Variants in MALRD1 observed in about 807,000 individuals in gnomAD.
MALRD1 encodes the protein MAM and LDL-receptor class A domain-containing protein 1.
MALRD1 carries 247 observed loss-of-function variants against 242.1 expected under a neutral mutation model. That is an observed-to-expected ratio of 1.02 (90% CI 0.92 to 1.13). The LOEUF is 1.13. Ranked by LOEUF, MALRD1 falls within the 50% of genes most tolerant of loss-of-function variation. The probability of loss-of-function intolerance (pLI) is 0.00; values close to 1 mark genes in which losing one functional copy is unlikely to be tolerated. For synonymous variants in MALRD1, 995 were observed against 866.6 expected (o/e 1.15, Z -2.60); for missense variants, 2,989 against 2,533.1 (o/e 1.18, Z -3.86).
At chr10:19,115,137 G>C (rs111357704) in intron 5 of MALRD1, among the ~76,000 whole-genome samples, 16 of 152,184 alleles carry the variant, frequency 1.1e-4, no homozygotes, top group African/African-American at 3.6e-4. Flanking sequence ...TCTAGGGCCT[G>C]CTGACATCAT....
At chr10:19,326,138 T>A (rs180759329) in intron 22 of MALRD1, among the ~76,000 whole-genome samples, 2 of 152,242 alleles carry the variant, frequency 1.3e-5, no homozygotes. Context: ...GACATCCAAA[T>A]GGGCTTCTGG....
intron 18 of MALRD1, among the ~76,000 whole-genome samples, chr10:19,216,461 T>G (rs150414894): frequency 4.3e-4 from 66 of 152,220 alleles, no homozygotes; most frequent in Middle Eastern, 3.4e-3. Flanking sequence ...TCCCATATTC[T>G]CTCCTTTCTC....
chr10:19,154,127 C>T (rs534704782), intron 11 of MALRD1, among the ~76,000 whole-genome samples: 2 of 152,228 alleles, frequency 1.3e-5, no homozygotes, highest in African/African-American at 4.8e-5. Context: ...AATTTGGGGA[C>T]AGTAATCTTT....
At chr10:19,387,416 A>T in intron 26 of MALRD1, 112 bp from the exon 27 acceptor site, 1 of 1,318,366 alleles carries the variant, frequency 7.6e-7, no homozygotes, top group Non-Finnish European at 1.0e-6. Context: ...CAAATTCCTA[A>T]GAACAATATG....
At chr10:19,073,408 C>A (rs144549085) in intron 2 of MALRD1, among the ~76,000 whole-genome samples, 236 of 152,128 alleles carry the variant, frequency 1.6e-3, no homozygotes, top group African/African-American at 5.5e-3. Flanking sequence ...ATAAAGACTG[C>A]AGGTTTATCA....
intron 5 of MALRD1, among the ~76,000 whole-genome samples, chr10:19,110,687 A>T (rs940561354): frequency 4.6e-5 from 7 of 152,134 alleles, no homozygotes; most frequent in Admixed American, 1.3e-4. Flanking sequence ...TTTCCATGGT[A>T]TTCCTGGGTC....
chr10:19,515,902 C>A (rs1833607106), intron 31 of MALRD1, among the ~76,000 whole-genome samples: 1 of 152,116 alleles, frequency 6.6e-6, no homozygotes, highest in African/African-American at 2.4e-5. Flanking sequence ...ACGTTAGAAC[C>A]AGCTAGTATA....
intron 29 of MALRD1, among the ~76,000 whole-genome samples, chr10:19,451,384 T>C (rs944592675): frequency 8.5e-5 from 13 of 152,190 alleles, no homozygotes; most frequent in African/African-American, 3.1e-4. Context: ...ATCATGTTTC[T>C]AAATGAGAAG....
chr10:19,079,644 T>C (rs1214160732), intron 2 of MALRD1, among the ~76,000 whole-genome samples: 1 of 151,990 alleles, frequency 6.6e-6, no homozygotes, highest in Admixed American at 6.6e-5. Flanking sequence ...TTGCTTCACA[T>C]ATTTCAGGGC....
chr10:19,324,385 A>G (rs1419759482), intron 22 of MALRD1, among the ~76,000 whole-genome samples: 1 of 152,160 alleles, frequency 6.6e-6, no homozygotes, highest in African/African-American at 2.4e-5. Flanking sequence ...AGGTATCAGT[A>G]TCAGTGTTCT....
intron 26 of MALRD1, among the ~76,000 whole-genome samples, chr10:19,369,412 A>ACG (rs1482078525): frequency 1.4e-5 from 2 of 147,830 alleles, no homozygotes; most frequent in African/African-American, 4.9e-5. Flanking sequence ...GCACACACAC[A>ACG]TTCTTCTATG....
intron 29 of MALRD1, among the ~76,000 whole-genome samples, chr10:19,458,170 G>A (rs531450220): frequency 7.8e-4 from 119 of 152,206 alleles, no homozygotes; most frequent in African/African-American, 2.7e-3. Flanking sequence ...ATTTAAGCCT[G>A]CACTTTAAAT....
chr10:19,094,689 G>T (rs12267439), intron 4 of MALRD1, among the ~76,000 whole-genome samples: 2 of 152,136 alleles, frequency 1.3e-5, no homozygotes, highest in Admixed American at 1.3e-4. Flanking sequence ...GGGAATGCTG[G>T]GTAATGAGGA....
At chr10:19,057,612 A>C (rs1834706283) in intron 1 of MALRD1, among the ~76,000 whole-genome samples, 1 of 152,202 alleles carries the variant, frequency 6.6e-6, no homozygotes, top group Non-Finnish European at 1.5e-5. Flanking sequence ...TATTGGAAGA[A>C]AGTCAGAAAA....
chr10:19,704,138 AGCTAT>A (rs1239229817), intron 38 of MALRD1, among the ~76,000 whole-genome samples: 1 of 147,796 alleles, frequency 6.8e-6, no homozygotes, highest in African/African-American at 2.5e-5. Flanking sequence ...ATTTTTTTTT[AGCTAT>A]GCTGAGAAAT....
At chr10:19,097,770 C>A (rs1486551250) in intron 4 of MALRD1, among the ~76,000 whole-genome samples, 1 of 152,124 alleles carries the variant, frequency 6.6e-6, no homozygotes, top group Non-Finnish European at 1.5e-5. Context: ...GTCCTGGTAT[C>A]CCGATACATT....
intron 29 of MALRD1, among the ~76,000 whole-genome samples, chr10:19,484,587 T>C (rs1231945108): frequency 1.3e-5 from 2 of 152,156 alleles, no homozygotes; most frequent in African/African-American, 4.8e-5. Flanking sequence ...ATATTACAAA[T>C]TGGACTACAG....
rs559662798 is a variant in MALRD1, at chr10:19,672,091, T to C, written c.6138-20191T>C. The stretch of plus-strand genomic sequence containing the variant: ...CTCATTTTTCTTCCATTGTTAGCCA[T>C]GCCACCCTATTCTTATTCCAGAGAG... On this transcript the variant is annotated intron_variant, in intron 36 of 39. Coordinates refer to ENST00000454679, the MANE Select transcript of MALRD1 (RefSeq NM_001142308.3). Among the ~76,000 whole-genome samples the C allele has an allele frequency of 1.1e-3, 164 of 152,312 alleles. 1 individual carries two copies. Among genetic ancestry groups the C allele is most frequent in the African/African-American group, 3.6e-3 (150 of 41,562 alleles).
intron 31 of MALRD1, among the ~76,000 whole-genome samples, chr10:19,511,544 A>T (rs993789951): frequency 6.6e-6 from 1 of 152,218 alleles, no homozygotes; most frequent in South Asian, 2.1e-4. Flanking sequence ...TTCTGGCATA[A>T]TTAACTGCAA....
Sources: allele counts gnomAD v4.1 joint callset (sites outside exome capture counted in the v4.1 genomes callset), GRCh38; gene constraint gnomAD v4.1.1; transcripts MANE v1.5; gene names NCBI Gene and HGNC (gene_info 2026-07-23, HGNC 2026-07-21).